GFRA2: variants seen among roughly 807,000 people sequenced by gnomAD.
GFRA2 encodes the protein GDNF family receptor alpha-2.
Under a neutral mutation model 48.3 loss-of-function variants are expected in GFRA2, and 17 were observed. The observed-to-expected ratio is 0.35, with a 90% CI of 0.24 to 0.53. The LOEUF (loss-of-function observed/expected upper bound fraction) is 0.53, where lower values mean the gene tolerates loss of function less well. Among genes scored for constraint, GFRA2 ranks in the 20% least tolerant of loss-of-function variants. The pLI is 0.93. For synonymous variants in GFRA2, 305 were observed against 257.2 expected, an observed-to-expected ratio of 1.19 and a Z score of -1.78; for missense variants, 660 against 637.3, an observed-to-expected ratio of 1.04 and a Z score of -0.38.
intron 7 of GFRA2, among the ~76,000 whole-genome samples, chr8:21,702,375 A>G (rs1378763459): frequency 2.6e-5 from 4 of 152,180 alleles, no homozygotes; most frequent in African/African-American, 4.8e-5. Flanking sequence ...CACTTCTGCA[A>G]TGGGTGCCCA....
chr8:21,749,637 A>G (rs1164100162), intron 4 of GFRA2, among the ~76,000 whole-genome samples: 1 of 152,126 alleles, frequency 6.6e-6, no homozygotes, highest in Non-Finnish European at 1.5e-5. Context: ...TATTAGGCAG[A>G]AACTTTCTTC....
rs767569598 is a variant in GFRA2 at position 21,750,767 on chromosome 8, G to A, written c.615C>T (p.Arg205=). Residue 205 remains arginine (R), a synonymous_variant, in exon 4 of 9, where the codon CGC becomes CGT. Transcript: ENST00000524240. The surrounding 1 kb of genome is among the most constrained non-coding windows in gnomAD (Gnocchi z 5.7). The part of the protein sequence containing the change: ...CNRRKCHKAL[R]QFFDRVPSEY... ...CGCTGGGCACCCGGTCGAAGAACTG[G>A]CGCAGGGCCTTGTGGCACTTGCGGC... 1 of 1,614,054 alleles carries A rather than the reference G, an allele frequency of 6.2e-7. No individual in the cohort carries two copies. Among genetic ancestry groups the A allele is most frequent in the East Asian group, 2.2e-5 (1 of 44,872 alleles).
chr8:21,797,074 T>A (rs2117108609), intron 2 of GFRA2, among the ~76,000 whole-genome samples: 1 of 152,296 alleles, frequency 6.6e-6, no homozygotes, highest in South Asian at 2.1e-4. Flanking sequence ...GGCCAAGGTG[T>A]CCTAACTAAC....
chr8:21,801,837 T>A (rs1367928687), intron 2 of GFRA2, among the ~76,000 whole-genome samples: 1 of 152,148 alleles, frequency 6.6e-6, no homozygotes, highest in Non-Finnish European at 1.5e-5. Context: ...CGCCAAACTG[T>A]CCACGCCCAG....
intron 4 of GFRA2, among the ~76,000 whole-genome samples, chr8:21,706,954 T>C (rs1291174113): frequency 6.6e-6 from 1 of 152,206 alleles, no homozygotes; most frequent in African/African-American, 2.4e-5. Context: ...CCAGGAATGT[T>C]ACCAACAGCC....
chr8:21,731,880 T>C (rs892285106), intron 4 of GFRA2, among the ~76,000 whole-genome samples: 2 of 152,228 alleles, frequency 1.3e-5, no homozygotes, highest in African/African-American at 2.4e-5. Flanking sequence ...AACAGTTCTA[T>C]GTAAGTCAGT....
At chr8:21,789,771 C>G (rs1329994683), upstream of GFRA2, among the ~76,000 whole-genome samples, 3 of 88,626 alleles carry the variant, frequency 3.4e-5, no homozygotes, top group Non-Finnish European at 6.4e-5. Context: ...GCCCCTTCCC[C>G]AGCCGGTCTC....
At chr8:21,716,619 G>T (rs1349595843) in intron 4 of GFRA2, among the ~76,000 whole-genome samples, 2 of 152,196 alleles carry the variant, frequency 1.3e-5, no homozygotes, top group East Asian at 3.9e-4. Context: ...CTGGCCTTGA[G>T]ATTGGGCTCC....
chr8:21,743,717 C>T (rs545468973), intron 4 of GFRA2, among the ~76,000 whole-genome samples: 20 of 152,192 alleles, frequency 1.3e-4, no homozygotes, highest in Non-Finnish European at 2.5e-4. Context: ...GGCTGGGTTC[C>T]GTGGAACATC....
intron 5 of GFRA2, 45 bp downstream of exon 5, chr8:21,705,887 G>T (rs1269424866): frequency 2.3e-6 from 3 of 1,315,516 alleles, no homozygotes; most frequent in Non-Finnish European, 3.2e-6. Flanking sequence ...GCTGAGATGG[G>T]GGCAGCAAGG....
intron 7 of GFRA2, among the ~76,000 whole-genome samples, chr8:21,699,505 T>C (rs1372107884): frequency 6.6e-6 from 1 of 152,130 alleles, no homozygotes; most frequent in East Asian, 1.9e-4. Flanking sequence ...GTCCTACAAA[T>C]TGGCATTCTG....
intron 3 of GFRA2, among the ~76,000 whole-genome samples, chr8:21,768,886 G>A (rs1358646871): frequency 6.6e-6 from 1 of 152,126 alleles, no homozygotes; most frequent in Admixed American, 6.5e-5. Flanking sequence ...CGTCCCCTGA[G>A]CCCCCAGGCT....
rs200455643 is a variant in GFRA2, at chr8:21,705,911, A to T, written c.904+21T>A. 3.2e-5 allele frequency: 47 copies of T among 1,474,766 alleles called. 1 individual carries two copies. In the African/African-American group the frequency reaches 5.7e-4, roughly 18 times the overall value. The allele number at this position is 1,474,766 out of a possible 1,614,324, so 91.4% of individuals were successfully genotyped here. ...GGGGCAGCAAGGACCCACAGAGCCC[A>T]GGTGAGCAGGAAGAGCTTACCAATC... On this transcript the variant is annotated intron_variant, in intron 5 of 8. Transcript: ENST00000524240.
chr8:21,808,662 T>C (rs1265962071), intron 1 of GFRA2, among the ~76,000 whole-genome samples: 1 of 152,170 alleles, frequency 6.6e-6, no homozygotes, highest in Non-Finnish European at 1.5e-5. Flanking sequence ...AGAGCCTCTA[T>C]CCAGAGGAGC....
intron 4 of GFRA2, among the ~76,000 whole-genome samples, chr8:21,723,330 C>A (rs1803694936): frequency 6.6e-6 from 1 of 152,176 alleles, no homozygotes; most frequent in African/African-American, 2.4e-5. Context: ...CCCTTCAGGG[C>A]TCTGCCAGGA....
Position 21,702,889 on chromosome 8 carries a change from C to A in GFRA2, c.1134G>T (p.Val378=). 6.2e-7 allele frequency: 1 copy of A among 1,606,540 alleles called. No homozygotes were observed. The change falls in exon 7 of 9, where the codon GTG becomes GTT. Residue 378 remains valine (V), a synonymous_variant. Transcript: ENST00000524240. ...PSFQATQAPR[V]EKTPSLPDDL... ...CATCTGGCAAAGAAGGCGTCTTCTC[C>A]ACCCGAGGGGCCTGGGTGGCCTGGA... is the stretch of plus-strand genomic sequence containing the variant.
At position 21,779,441 on chromosome 8, in the gene GFRA2, C is replaced by A. The variant is rs1255968784; in HGVS notation, c.355+3144G>T. 3 of 152,344 alleles carry A rather than the reference C, an allele frequency of 2.0e-5. No homozygotes were observed. The East Asian group carries it at 5.8e-4, about 29-fold the overall frequency. The allele number at this position is 152,344 out of a possible 1,614,324, so 9.4% of individuals were successfully genotyped here. A position where few individuals can be genotyped will look rare whatever the true frequency, so the allele number is the denominator to read the frequency against. ...CCCCCGGCTGTTCTGGGTGACATTT[C>A]TGTCCTGTTCTCTCCCCTGTCCACT... On this transcript the variant is annotated intron_variant, in intron 2 of 8. Coordinates refer to ENST00000524240, the MANE Select transcript of GFRA2 (RefSeq NM_001495.5).
chr8:21,756,794 C>T (rs574429044), intron 3 of GFRA2, among the ~76,000 whole-genome samples: 1 of 152,180 alleles, frequency 6.6e-6, no homozygotes, highest in Non-Finnish European at 1.5e-5. Context: ...CTGCCCCGAT[C>T]CCCTGCACTG....
intron 7 of GFRA2, among the ~76,000 whole-genome samples, chr8:21,696,200 G>A (rs1157739376): frequency 1.1e-3 from 116 of 105,116 alleles, no homozygotes; most frequent in African/African-American, 4.0e-3. Context: ...CTCTCCCTCT[G>A]TCCTCTCCCC....
Sources: allele counts gnomAD v4.1 joint callset (sites outside exome capture counted in the v4.1 genomes callset), GRCh38; gene constraint gnomAD v4.1.1; non-coding constraint Gnocchi (gnomAD v3.1); transcripts MANE v1.5; gene names NCBI Gene and HGNC (gene_info 2026-07-23, HGNC 2026-07-21).